RUNX1: variants seen among roughly 807,000 people sequenced by gnomAD.
RUNX1 encodes the protein RUNX family transcription factor 1.
Under a neutral mutation model 42.8 loss-of-function variants are expected in RUNX1, and 19 were observed. That is an observed-to-expected ratio of 0.44 (90% CI 0.31 to 0.65). The LOEUF is 0.65. Ranked by LOEUF, RUNX1 falls within the 30% of genes least tolerant of loss-of-function variation. RUNX1 has a pLI of 0.07. For missense variants in RUNX1, 528 were observed against 672.0 expected (o/e 0.79, Z 2.37); for synonymous variants, 271 against 289.4 (o/e 0.94, Z 0.64).
chr21:35,015,892 T>C (rs1421433636), intron 2 of RUNX1, among the ~76,000 whole-genome samples: 1 of 152,238 alleles, frequency 6.6e-6, no homozygotes, highest in Non-Finnish European at 1.5e-5. Flanking sequence ...TCAGTCTTTA[T>C]GACTCCAGTG....
intron 2 of RUNX1, among the ~76,000 whole-genome samples, chr21:34,958,606 T>G (rs1317877966): frequency 6.6e-6 from 1 of 152,242 alleles, no homozygotes; most frequent in Non-Finnish European, 1.5e-5. Flanking sequence ...TTGGTGGGAC[T>G]GTAAACTAGT....
chr21:34,791,721 T>C lies in RUNX1; in HGVS notation c.*414A>G. The stretch of plus-strand genomic sequence containing the variant: ...CCCCACCCCAACCAAAATTCCACAC[T>C]CTTTGGAATAAACAACTTGGTTAAA... On this transcript the variant is annotated 3_prime_UTR_variant, in exon 9 of 9. Transcript: ENST00000675419. The C allele has an allele frequency of 4.4e-6, 1 of 228,176 alleles. No homozygotes were observed. The allele number at this position is 228,176 out of a possible 1,614,324, so 14.1% of individuals were successfully genotyped here.
intron 2 of RUNX1, among the ~76,000 whole-genome samples, chr21:35,038,209 T>C (rs1012147874): frequency 6.6e-6 from 1 of 152,266 alleles, no homozygotes; most frequent in East Asian, 1.9e-4. Flanking sequence ...AGGTGGTGGA[T>C]GATGGTGACA....
intron 2 of RUNX1, among the ~76,000 whole-genome samples, chr21:34,990,367 G>A (rs2242879): frequency 0.25 from 37,658 of 152,164 alleles, 6,865 homozygotes; most frequent in African/African-American, 0.51. Context: ...CCCCAGGGAA[G>A]AGCAGGAACC....
intron 4 of RUNX1, among the ~76,000 whole-genome samples, chr21:34,883,991 C>A (rs2057944020): frequency 6.6e-6 from 1 of 152,192 alleles, no homozygotes; most frequent in Non-Finnish European, 1.5e-5. Context: ...TCCAAGACCT[C>A]CGAACTTCCC....
rs989159860 is a variant in RUNX1 at position 34,905,843 on chromosome 21, T to C, written c.59-12880A>G. On this transcript the variant is annotated intron_variant, in intron 2 of 8. Coordinates refer to ENST00000675419, the MANE Select transcript of RUNX1 (RefSeq NM_001754.5). ...GCTGGATCATCTGAAACTTATCACG[T>C]AGCTTTTCCCCCTACAGAACCTAAA... Among the ~76,000 whole-genome samples the C allele has an allele frequency of 2.0e-5, 3 of 152,200 alleles. No individual in the cohort carries two copies. The East Asian group carries it at 5.8e-4, about 29-fold the overall frequency.
At chr21:34,893,445 A>G (rs2058102880) in intron 2 of RUNX1, among the ~76,000 whole-genome samples, 1 of 152,198 alleles carries the variant, frequency 6.6e-6, no homozygotes, top group African/African-American at 2.4e-5. Context: ...AATTATTTAC[A>G]TCGAAACCTC....
At chr21:34,834,976 T>C (rs1362960589) in intron 6 of RUNX1, among the ~76,000 whole-genome samples, 2 of 152,138 alleles carry the variant, frequency 1.3e-5, no homozygotes, top group Non-Finnish European at 2.9e-5. Context: ...CCAGGGGCTA[T>C]GCTGTGGCAG....
chr21:34,992,677 A>T (rs1463578011), intron 2 of RUNX1, among the ~76,000 whole-genome samples: 4 of 149,920 alleles, frequency 2.7e-5, no homozygotes, highest in Middle Eastern at 6.5e-3. Flanking sequence ...ACAAATATAA[A>T]AAAAAAAAAA....
At chr21:34,993,680 GACACACACACAGGCGC>G (rs2058967862) in intron 2 of RUNX1, among the ~76,000 whole-genome samples, 2 of 49,438 alleles carry the variant, frequency 4.0e-5, no homozygotes, top group East Asian at 5.2e-4. Flanking sequence ...CACACACACA[GACACACACACAGGCGC>G]ACACACACAC....
At chr21:34,890,466 C>G (rs1355647840) in intron 3 of RUNX1, among the ~76,000 whole-genome samples, 1 of 152,192 alleles carries the variant, frequency 6.6e-6, no homozygotes, top group Non-Finnish European at 1.5e-5. Flanking sequence ...GCTGTGCGGC[C>G]CGGTCGGGGT....
intron 6 of RUNX1, among the ~76,000 whole-genome samples, chr21:34,837,791 T>C (rs1166354272): frequency 6.6e-6 from 1 of 152,200 alleles, no homozygotes; most frequent in African/African-American, 2.4e-5. Flanking sequence ...TGGAATCAAC[T>C]GTGAATGTTT....
chr21:34,959,065 G>A (rs6517267), intron 2 of RUNX1, among the ~76,000 whole-genome samples: 6,830 of 150,970 alleles, frequency 0.045, 479 homozygotes, highest in African/African-American at 0.15. Flanking sequence ...TGGGGGGAGT[G>A]GGGAGGGATA....
At chr21:34,999,759 C>G (rs1601656225) in intron 2 of RUNX1, among the ~76,000 whole-genome samples, 1 of 152,208 alleles carries the variant, frequency 6.6e-6, no homozygotes, top group African/African-American at 2.4e-5. Context: ...TCCCTCTCTT[C>G]TCTCCCGTTA....
intron 2 of RUNX1, among the ~76,000 whole-genome samples, chr21:35,007,201 C>CA (rs2059091488): frequency 6.6e-6 from 1 of 152,224 alleles, no homozygotes; most frequent in Non-Finnish European, 1.5e-5. Context: ...AAATTAATCT[C>CA]ACGTGTTTCT....
chr21:34,999,779 C>G (rs995210738), intron 2 of RUNX1, among the ~76,000 whole-genome samples: 1 of 152,188 alleles, frequency 6.6e-6, no homozygotes, highest in Non-Finnish European at 1.5e-5. Context: ...AGGCACAAGA[C>G]GGTGTAAATC....
chr21:35,031,364 T>G (rs565820370), intron 2 of RUNX1, among the ~76,000 whole-genome samples: 72 of 151,210 alleles, frequency 4.8e-4, no homozygotes, highest in African/African-American at 1.7e-3. Context: ...AATAGAAAAA[T>G]CAAGAGATAA....
At chr21:34,909,085 A>G (rs1377951552) in intron 2 of RUNX1, among the ~76,000 whole-genome samples, 4 of 152,194 alleles carry the variant, frequency 2.6e-5, no homozygotes, top group African/African-American at 9.7e-5. Context: ...TTAAAGTTCA[A>G]CTTGTCTAGG....
intron 7 of RUNX1, among the ~76,000 whole-genome samples, chr21:34,813,263 A>C (rs535457365): frequency 5.3e-5 from 8 of 152,276 alleles, no homozygotes; most frequent in African/African-American, 1.4e-4. Context: ...CCTGCCCACA[A>C]GATCAAGCGT....
Sources: gnomAD v4.1 joint callset for allele counts (sites outside exome capture counted in the v4.1 genomes callset) on GRCh38, gnomAD v4.1.1 for gene constraint, MANE v1.5 for transcripts, NCBI Gene and HGNC (gene_info 2026-07-23, HGNC 2026-07-21) for gene names.